The following HIBCH variants were observed in gnomAD, a reference collection of about 807,000 sequenced individuals.
HIBCH encodes the protein 3-hydroxyisobutyryl-CoA hydrolase, mitochondrial.
In HIBCH, 50 loss-of-function variants were observed where a neutral mutation model predicts 58.2. That is an observed-to-expected ratio of 0.86 (90% CI 0.68 to 1.09). HIBCH has a LOEUF of 1.09. Among genes scored for constraint, HIBCH ranks in the 50% least tolerant of loss-of-function variants. The probability of loss-of-function intolerance (pLI) is 0.00; values close to 1 mark genes in which losing one functional copy is unlikely to be tolerated. For synonymous variants in HIBCH, 151 were observed against 146.9 expected, an observed-to-expected ratio of 1.03 and a Z score of -0.20; for missense variants, 450 against 449.7, an observed-to-expected ratio of 1.00 and a Z score of -0.01.
chr2:190,272,030 C>T (rs1449770918), intron 6 of HIBCH, among the ~76,000 whole-genome samples: 1 of 152,218 alleles, frequency 6.6e-6, no homozygotes, highest in Non-Finnish European at 1.5e-5. Context: ...CTACTCTCAG[C>T]TTTTCTTCTC....
chr2:190,289,271 T>A (rs1199671356), intron 5 of HIBCH, among the ~76,000 whole-genome samples: 2 of 152,214 alleles, frequency 1.3e-5, no homozygotes, highest in African/African-American at 4.8e-5. Flanking sequence ...ATGTGTTTAA[T>A]CTACTAGATA....
At chr2:190,276,067 A>T (rs1176792805) in intron 6 of HIBCH, among the ~76,000 whole-genome samples, 1 of 152,224 alleles carries the variant, frequency 6.6e-6, no homozygotes, top group South Asian at 2.1e-4. Flanking sequence ...CTGAAGATAA[A>T]GCACAACCAC....
chr2:190,200,497 T>TTAAAA (rs1490833539), downstream of HIBCH: 1 of 186,302 alleles, frequency 5.4e-6, no homozygotes, highest in African/African-American at 2.7e-5. Flanking sequence ...AGTTTATCCT[T>TTAAAA]TAAAATAACA....
chr2:190,275,070 T>C (rs1687512229), intron 6 of HIBCH, among the ~76,000 whole-genome samples: 1 of 152,188 alleles, frequency 6.6e-6, no homozygotes, highest in Non-Finnish European at 1.5e-5. Context: ...AAAAACCCTC[T>C]CACTAGTAGC....
rs1371003482 is a variant in HIBCH, at chr2:190,197,053, T to G, written c.*18-7056A>C. 6.6e-6 allele frequency among the ~76,000 whole-genome samples: 1 copy of G among 152,170 alleles called. No homozygotes were observed. The highest frequency in any genetic ancestry group is 1.5e-5 in the Non-Finnish European group (1 of 68,036). On this transcript the variant is annotated intron_variant, in intron 1 of 1. Coordinates refer to the HIBCH transcript ENST00000399855. The surrounding 1 kb of genome is among the most constrained non-coding windows in gnomAD (Gnocchi z 4.0). ...CAGCTTTTCACTGTGGCCTCACATG[T>G]CAGTAGGGGCAAGGGAACTCTCTGG...
intron 9 of HIBCH, among the ~76,000 whole-genome samples, chr2:190,247,998 A>G (rs1575722688): frequency 6.6e-6 from 1 of 152,354 alleles, no homozygotes; most frequent in South Asian, 2.1e-4. Flanking sequence ...ATGGTGTGGA[A>G]CCAAATTCAG....
At chr2:190,234,186 G>A (rs1349259275) in intron 11 of HIBCH, among the ~76,000 whole-genome samples, 4 of 152,150 alleles carry the variant, frequency 2.6e-5, no homozygotes, top group East Asian at 1.9e-4. Flanking sequence ...ACCAAAATGC[G>A]GGTGAGAATG....
Position 190,217,573 on chromosome 2 carries a change from G to C in HIBCH, c.892-4498C>G, listed in dbSNP as rs940585439. 1.3e-5 allele frequency among the ~76,000 whole-genome samples: 2 copies of C among 152,100 alleles called. No homozygotes were observed. The highest frequency in any genetic ancestry group is 2.1e-4 in the South Asian group (1 of 4,828). Reference sequence around the variant, plus strand: ...TAACCTTTCTACTATGAAAATCAAAGACCAATTTTTTAAAAATTATACACT... The same window carrying C: ...TAACCTTTCTACTATGAAAATCAAACACCAATTTTTTAAAAATTATACACT... On this transcript the variant is annotated intron_variant, in intron 11 of 13. Coordinates refer to ENST00000359678, the MANE Select transcript of HIBCH (RefSeq NM_014362.4). This position sits in a 1 kb window ranked among gnomAD's most constrained non-coding sequence, Gnocchi z 4.6.
chr2:190,275,394 C>T (rs775900014), intron 6 of HIBCH, among the ~76,000 whole-genome samples: 18 of 152,080 alleles, frequency 1.2e-4, no homozygotes, highest in Middle Eastern at 3.2e-3. Flanking sequence ...AAAAAGTTCA[C>T]GGAATATGCA....
chr2:190,285,781 G>GC (rs1283359745), intron 6 of HIBCH, among the ~76,000 whole-genome samples: 1 of 151,928 alleles, frequency 6.6e-6, no homozygotes, highest in Non-Finnish European at 1.5e-5. Context: ...ACCTCCCCCC[G>GC]CCTTTCTGTG....
chr2:190,255,365 A>G lies in HIBCH; in HGVS notation c.518-3058T>C, dbSNP rs900409960. Among the ~76,000 whole-genome samples, 11 of 152,186 alleles carry G rather than the reference A, an allele frequency of 7.2e-5. No homozygotes were observed. The South Asian group carries it at 8.3e-4, about 11-fold the overall frequency. ...CTTAATGCCACAATATTCTGCTCTC[A>G]GTTCTTCATGTAGCTGACTCTTGCT... is the stretch of plus-strand genomic sequence containing the variant. On this transcript the variant is annotated intron_variant, in intron 7 of 13. Coordinates refer to ENST00000359678, the MANE Select transcript of HIBCH (RefSeq NM_014362.4).
At chr2:190,300,127 T>TA (rs1688222366) in intron 2 of HIBCH, among the ~76,000 whole-genome samples, 1 of 152,254 alleles carries the variant, frequency 6.6e-6, no homozygotes, top group Admixed American at 6.5e-5. Context: ...GCAGTGAACA[T>TA]ACGTGTGCAT....
chr2:190,308,871 T>C (rs561911502), intron 2 of HIBCH, among the ~76,000 whole-genome samples: 7 of 152,178 alleles, frequency 4.6e-5, no homozygotes, highest in Admixed American at 3.9e-4. Context: ...TCAGAGGCTA[T>C]AGGGCGTACA....
chr2:190,190,713 G>T (rs1689670702), intron 1 of HIBCH, among the ~76,000 whole-genome samples: 1 of 152,114 alleles, frequency 6.6e-6, no homozygotes, highest in Non-Finnish European at 1.5e-5. Flanking sequence ...AAGCACTGGG[G>T]TTTTTTAAAT....
At chr2:190,289,929 G>A (rs938236461) in intron 5 of HIBCH, among the ~76,000 whole-genome samples, 1 of 152,216 alleles carries the variant, frequency 6.6e-6, no homozygotes, top group Non-Finnish European at 1.5e-5. Flanking sequence ...CCAGGCTGGA[G>A]TGCAGTGGTG....
intron 7 of HIBCH, among the ~76,000 whole-genome samples, chr2:190,257,556 A>T (rs1686960671): frequency 6.6e-6 from 1 of 152,216 alleles, no homozygotes; most frequent in Non-Finnish European, 1.5e-5. Context: ...GAGAGCCAGA[A>T]ATCACTAAGG....
At chr2:190,232,611 ATAC>A (rs1686136798) in intron 11 of HIBCH, among the ~76,000 whole-genome samples, 1 of 152,208 alleles carries the variant, frequency 6.6e-6, no homozygotes, top group Admixed American at 6.5e-5. Context: ...GAGTACAACT[ATAC>A]GTTGGTGCAG....
In HIBCH at chr2:190,207,601, C is replaced by T. The variant is rs1023408422; in HGVS notation, c.1045+1279G>A. On this transcript the variant is annotated intron_variant, in intron 13 of 13. Transcript: ENST00000359678. The surrounding 1 kb of genome is among the most constrained non-coding windows in gnomAD (Gnocchi z 4.5). Reference sequence around the variant, plus strand: ...ATTCAGATAAAAAAGTATATCCAGGCTGGGCACGGTGGCTCATGCCTGTAA... The same window carrying T: ...ATTCAGATAAAAAAGTATATCCAGGTTGGGCACGGTGGCTCATGCCTGTAA... Among the ~76,000 whole-genome samples, 1 of 152,190 alleles carries T rather than the reference C, an allele frequency of 6.6e-6. No homozygotes were observed. Among genetic ancestry groups the T allele is most frequent in the Non-Finnish European group, 1.5e-5 (1 of 68,032 alleles).
chr2:190,199,998 G>C (rs746373005), downstream of HIBCH: 136 of 1,614,016 alleles, frequency 8.4e-5, no homozygotes, highest in Non-Finnish European at 1.0e-4. Flanking sequence ...ATGTCAAAGA[G>C]GAAGTGAAGG....
Sources: allele counts gnomAD v4.1 joint callset (sites outside exome capture counted in the v4.1 genomes callset), GRCh38; gene constraint gnomAD v4.1.1; non-coding constraint Gnocchi (gnomAD v3.1); transcripts MANE v1.5; gene names NCBI Gene and HGNC (gene_info 2026-07-23, HGNC 2026-07-21).